Variants in NEBL observed in about 807,000 individuals in gnomAD.
NEBL encodes the protein nebulette.
Under a neutral mutation model 140.2 loss-of-function variants are expected in NEBL, and 122 were observed. The ratio of observed to expected loss-of-function variants is 0.87; its 90% CI spans 0.75 to 1.01. NEBL has a LOEUF of 1.01. Among genes scored for constraint, NEBL ranks in the 50% least tolerant of loss-of-function variants. The pLI, the probability that NEBL is intolerant of heterozygous loss-of-function variation, is 0.00. For missense variants in NEBL, 1,365 were observed against 1,231.3 expected (o/e 1.11, Z -1.62); for synonymous variants, 436 against 398.9 (o/e 1.09, Z -1.11).
intron 4 of NEBL, among the ~76,000 whole-genome samples, chr10:20,952,297 C>T (rs886998159): frequency 6.6e-6 from 1 of 151,868 alleles, no homozygotes; most frequent in African/African-American, 2.4e-5. Context: ...ATTAGCTGGG[C>T]GTGGTGCCAG....
At chr10:20,913,768 T>C (rs1395474186) in intron 4 of NEBL, among the ~76,000 whole-genome samples, 2 of 152,228 alleles carry the variant, frequency 1.3e-5, no homozygotes, top group Non-Finnish European at 1.5e-5. Flanking sequence ...ACTATTTGCC[T>C]GTGGTAGGTT....
At chr10:20,903,964 A>G (rs774264878) in intron 4 of NEBL, among the ~76,000 whole-genome samples, 1 of 145,896 alleles carries the variant, frequency 6.9e-6, no homozygotes, top group Non-Finnish European at 1.5e-5. Context: ...ACATGATAAA[A>G]TTCATCCATA....
chr10:21,166,036 T>C (rs1174390624), intron 2 of NEBL, among the ~76,000 whole-genome samples: 6 of 150,646 alleles, frequency 4.0e-5, no homozygotes, highest in African/African-American at 1.2e-4. Flanking sequence ...CTGGCTAACA[T>C]GGTGAAACCC....
chr10:21,229,001 A>C (rs1658787627), intron 3 of NEBL, among the ~76,000 whole-genome samples: 1 of 152,236 alleles, frequency 6.6e-6, no homozygotes, highest in African/African-American at 2.4e-5. Context: ...GACATGAAGC[A>C]GAGCTCCCAC....
At chr10:21,028,163 G>A (rs1833592030) in intron 2 of NEBL, among the ~76,000 whole-genome samples, 1 of 143,916 alleles carries the variant, frequency 6.9e-6, no homozygotes, top group Non-Finnish European at 1.5e-5. Flanking sequence ...GGAGGCAGAG[G>A]TAGCAGTAAG....
chr10:20,786,919 C>T (rs969036583), intron 27 of NEBL, among the ~76,000 whole-genome samples: 2 of 152,136 alleles, frequency 1.3e-5, no homozygotes, highest in South Asian at 2.1e-4. Flanking sequence ...AGAGCATAAT[C>T]GGCTAGTACC....
intron 19 of NEBL, among the ~76,000 whole-genome samples, chr10:20,822,565 T>C (rs1035068172): frequency 2.6e-5 from 4 of 151,484 alleles, no homozygotes; most frequent in South Asian, 2.1e-4. Flanking sequence ...AGAAAGACTA[T>C]ATAGAGATAT....
At chr10:20,940,770 C>A (rs946093870) in intron 4 of NEBL, among the ~76,000 whole-genome samples, 4 of 151,836 alleles carry the variant, frequency 2.6e-5, no homozygotes, top group African/African-American at 9.7e-5. Context: ...ACCAATCCCA[C>A]AGAAATACAA....
At chr10:21,146,370 C>T (rs768465539) in intron 2 of NEBL, 10 of 1,613,062 alleles carry the variant, frequency 6.2e-6, no homozygotes, top group Non-Finnish European at 8.5e-6. Context: ...TACATTTCAG[C>T]CACACAAGAA....
intron 3 of NEBL, among the ~76,000 whole-genome samples, chr10:21,188,453 T>A (rs1841513258): frequency 6.6e-6 from 1 of 152,230 alleles, no homozygotes; most frequent in Non-Finnish European, 1.5e-5. Flanking sequence ...TGGGAATTTA[T>A]ATTTCCTATA....
At chr10:20,999,777 G>A (rs1207787034) in intron 3 of NEBL, among the ~76,000 whole-genome samples, 1 of 152,276 alleles carries the variant, frequency 6.6e-6, no homozygotes, top group East Asian at 1.9e-4. Context: ...TGCCGTGGAG[G>A]CTGTGAAGCC....
chr10:20,793,412 C>G (rs1301251458), intron 26 of NEBL: 3 of 926,310 alleles, frequency 3.2e-6, no homozygotes, highest in Non-Finnish European at 3.9e-6. Context: ...GGACTGAGGA[C>G]AGAGGAAGAA....
At position 20,854,433 on chromosome 10, in the gene NEBL, G is replaced by C. The variant is rs924372347; in HGVS notation, c.904-1784C>G. Among the ~76,000 whole-genome samples, 3 of 152,326 alleles carry C rather than the reference G, an allele frequency of 2.0e-5. No homozygotes were observed. The South Asian group carries it at 6.2e-4, about 32-fold the overall frequency. On this transcript the variant is annotated intron_variant, in intron 9 of 27. Transcript: ENST00000377122. Reference sequence around the variant, plus strand: ...TAGTGGGACAAAGCAATAGTCCCCAGAGGGAGCCTGGCCTCAGGTGCTTCC... The same window carrying C: ...TAGTGGGACAAAGCAATAGTCCCCACAGGGAGCCTGGCCTCAGGTGCTTCC...
chr10:20,795,080 A>G (rs367632623), intron 26 of NEBL, among the ~76,000 whole-genome samples: 20 of 152,236 alleles, frequency 1.3e-4, no homozygotes, highest in African/African-American at 4.3e-4. Context: ...ATGACAAAAC[A>G]GTGTGAGATT....
At chr10:20,810,590 C>T (rs1267750231) in intron 24 of NEBL, among the ~76,000 whole-genome samples, 1 of 152,152 alleles carries the variant, frequency 6.6e-6, no homozygotes, top group Non-Finnish European at 1.5e-5. Flanking sequence ...GTCAATGGAT[C>T]CCTGCCATAG....
At chr10:21,043,393 T>C (rs1465758845) in intron 2 of NEBL, among the ~76,000 whole-genome samples, 1 of 152,222 alleles carries the variant, frequency 6.6e-6, no homozygotes, top group Non-Finnish European at 1.5e-5. Context: ...GATCTTCGAG[T>C]GTGCTTTCTA....
intron 3 of NEBL, among the ~76,000 whole-genome samples, chr10:20,965,971 T>G (rs775421202): frequency 6.6e-6 from 1 of 152,176 alleles, no homozygotes; most frequent in Non-Finnish European, 1.5e-5. Context: ...AGAAAGAGAA[T>G]GTGCCATACC....
chr10:21,192,861 T>C (rs1841595276), intron 3 of NEBL, among the ~76,000 whole-genome samples: 1 of 150,090 alleles, frequency 6.7e-6, no homozygotes, highest in Non-Finnish European at 1.5e-5. Flanking sequence ...ACACAATTTC[T>C]GACTTCAAGA....
At chr10:21,019,806 A>ATT (rs1164188392) in intron 3 of NEBL, among the ~76,000 whole-genome samples, 2 of 152,218 alleles carry the variant, frequency 1.3e-5, no homozygotes, top group East Asian at 3.8e-4. Flanking sequence ...TGGAAAAGCT[A>ATT]TTTGTAAAAT....
Sources: allele counts gnomAD v4.1 joint callset (sites outside exome capture counted in the v4.1 genomes callset), GRCh38; gene constraint gnomAD v4.1.1; transcripts MANE v1.5; gene names NCBI Gene and HGNC (gene_info 2026-07-23, HGNC 2026-07-21).